CS: variants seen among roughly 807,000 people sequenced by gnomAD.
The protein encoded by CS is citrate synthase, mitochondrial.
Under a neutral mutation model 61.4 loss-of-function variants are expected in CS, and 13 were observed. The observed-to-expected ratio is 0.21, with a 90% CI of 0.14 to 0.34. CS has a LOEUF of 0.34. Among genes scored for constraint, CS ranks in the 10% least tolerant of loss-of-function variants. The probability of loss-of-function intolerance (pLI) is 1.00; values close to 1 mark genes in which losing one functional copy is unlikely to be tolerated. For missense variants in CS, 278 were observed against 573.4 expected (o/e 0.48, Z 5.26); for synonymous variants, 159 against 215.2 (o/e 0.74, Z 2.29).
At chr12:56,288,346 ATTTTTTT>A (rs1164867172) in intron 1 of CS, among the ~76,000 whole-genome samples, 108 of 123,150 alleles carry the variant, frequency 8.8e-4, no homozygotes, top group African/African-American at 3.0e-3. Context: ...GCTTTTTAGA[ATTTTTTT>A]TTTTTTTTTT....
At chr12:56,279,720 C>T (rs953702455) in intron 6 of CS, among the ~76,000 whole-genome samples, 7 of 150,890 alleles carry the variant, frequency 4.6e-5, no homozygotes, top group South Asian at 2.1e-4. Flanking sequence ...CAGCTGAGAT[C>T]GCACCACTGC....
chr12:56,272,930 TTTAAAGTC>T lies in CS; in HGVS notation c.*146_*153del, dbSNP rs1179486297. 1 of 624,752 alleles carries T rather than the reference TTTAAAGTC, an allele frequency of 1.6e-6. No homozygotes were observed. The highest frequency in any genetic ancestry group is 1.9e-5 in the African/African-American group (1 of 53,848). The allele number at this position is 624,752 out of a possible 1,614,324, so 38.7% of individuals were successfully genotyped here. On this transcript the variant is annotated 3_prime_UTR_variant, in exon 11 of 11. Transcript: ENST00000351328. ...GGGAAGAAGGGACCATTTTTCATCT[TTTAAAGTC>T]TTAATTTATATTTTAACCTCAAACA...
chr12:56,274,193 T>C, intron 9 of CS: 1 of 234,708 alleles, frequency 4.3e-6, no homozygotes. Context: ...TGGTGGCGCA[T>C]GCCTGTAATC....
At position 56,274,320 on chromosome 12, in the gene CS, TA is replaced by T. The variant is rs59911757; in HGVS notation, c.1020+456del. The T allele has an allele frequency of 3.7e-3, 454 of 123,992 alleles. 2 individuals are homozygous for T. The highest frequency in any genetic ancestry group is 8.6e-3 in the African/African-American group (282 of 32,784). The allele number at this position is 123,992 out of a possible 1,614,324, so 7.7% of individuals were successfully genotyped here. On this transcript the variant is annotated intron_variant, in intron 9 of 10. Transcript: ENST00000351328. ...TGGGCAACAAGAGCAAGACTGTCTT[TA>T]AAAAAAAAAAAAAAAAAAAGATAGG...
intron 1 of CS, among the ~76,000 whole-genome samples, chr12:56,297,585 C>T (rs1200226738): frequency 1.3e-5 from 2 of 152,126 alleles, no homozygotes. Context: ...CACCTGCTAA[C>T]CCCAGCTACT....
intron 1 of CS, among the ~76,000 whole-genome samples, chr12:56,293,406 C>CA (rs1873195067): frequency 6.6e-6 from 1 of 152,086 alleles, no homozygotes; most frequent in African/African-American, 2.4e-5. Context: ...TCTGTCTCTA[C>CA]AAAAAATAAT....
intron 6 of CS, among the ~76,000 whole-genome samples, chr12:56,281,667 T>C (rs1183754101): frequency 6.6e-6 from 1 of 152,156 alleles, no homozygotes; most frequent in Non-Finnish European, 1.5e-5. Flanking sequence ...TCACATCCTT[T>C]TCTTTTCTTG....
rs113506359 is a variant in CS, at chr12:56,295,094, CTTTTTT to C, written c.42+5060_42+5065del. On this transcript the variant is annotated intron_variant, in intron 1 of 10. Transcript: ENST00000351328. Reference sequence around the variant, plus strand: ...ACTTATTGTACTTTAATTTAATGAACTTTTTTTTTTTTTTTAAGAGACAAGGTCTTG... The same window carrying C: ...ACTTATTGTACTTTAATTTAATGAACTTTTTTTTTAAGAGACAAGGTCTTG... Among the ~76,000 whole-genome samples, 6 of 141,682 alleles carry C rather than the reference CTTTTTT, an allele frequency of 4.2e-5. No homozygotes were observed. The Admixed American group carries it at 4.3e-4, about 10-fold the overall frequency. The allele number at this position is 141,682 out of a possible 152,430, so 92.9% of individuals were successfully genotyped here.
chr12:56,273,651 A>G lies in CS; in HGVS notation c.1166T>C (p.Leu389Ser), dbSNP rs1364147347. 6.2e-7 allele frequency: 1 copy of G among 1,614,138 alleles called. No individual in the cohort carries two copies. Among genetic ancestry groups the G allele is most frequent in the Admixed American group, 1.7e-5 (1 of 60,008 alleles). Reference sequence around the variant, plus strand: ...AGGATTCTTGGCTTTACCCTGCTCTAAGAGGACATTGGGCACAATCTTGTA... The same window carrying G: ...AGGATTCTTGGCTTTACCCTGCTCTGAGAGGACATTGGGCACAATCTTGTA... The part of the protein sequence containing the change: ...QLYKIVPNVL[L>S]EQGKAKNPWP... Residue 389 changes from leucine (L) to serine (S), a missense_variant, in exon 10 of 11, where the codon TTA becomes TCA. Coordinates refer to ENST00000351328, the MANE Select transcript of CS (RefSeq NM_004077.3).
chr12:56,282,697 C>T (rs181980994), intron 5 of CS, 89 bp from the exon 6 acceptor site: 69 of 1,525,060 alleles, frequency 4.5e-5, no homozygotes, highest in Non-Finnish European at 5.5e-5. Flanking sequence ...GTAAAGAAAA[C>T]CCAAGAGAGG....
At chr12:56,273,537 C>A in intron 10 of CS, 50 bp downstream of exon 10, 1 of 1,567,696 alleles carries the variant, frequency 6.4e-7, no homozygotes, top group Non-Finnish European at 8.8e-7. Flanking sequence ...TGGCAGATAA[C>A]AATAGGGTTT....
intron 1 of CS, among the ~76,000 whole-genome samples, chr12:56,296,138 C>T (rs991586815): frequency 6.6e-6 from 1 of 151,848 alleles, no homozygotes; most frequent in African/African-American, 2.4e-5. Context: ...TGTGAGTTTA[C>T]AGACCTTTTA....
rs937405556 is a variant in CS, at chr12:56,272,196, C to T, written c.*888G>A. 9 of 240,852 alleles carry T rather than the reference C, an allele frequency of 3.7e-5. No homozygotes were observed. Among genetic ancestry groups the T allele is most frequent in the Admixed American group, 2.1e-4 (4 of 18,816 alleles). The allele number at this position is 240,852 out of a possible 1,614,324, so 14.9% of individuals were successfully genotyped here. ...GCTGGTCATTCCGGAGTTCTATGCC[C>T]CACAGCATATTAAAAGATGGGGGTT... is the stretch of plus-strand genomic sequence containing the variant. On this transcript the variant is annotated 3_prime_UTR_variant, in exon 11 of 11. Transcript: ENST00000351328.
intron 6 of CS, among the ~76,000 whole-genome samples, chr12:56,278,931 G>A (rs761922519): frequency 2.0e-5 from 3 of 151,882 alleles, no homozygotes; most frequent in Non-Finnish European, 2.9e-5. Context: ...GCACCAGGAC[G>A]CTCAGCTAAT....
intron 2 of CS, chr12:56,286,260 G>A (rs1275872023): frequency 8.9e-6 from 5 of 559,130 alleles, no homozygotes; most frequent in Non-Finnish European, 1.6e-5. Context: ...GGAGATGGAT[G>A]GTTGCACAAT....
Position 56,286,584 on chromosome 12 carries a change from C to G in CS, c.93+11G>C. The stretch of plus-strand genomic sequence containing the variant: ...TGATTCTTATTCTTAGTCTTCTTTT[C>G]CAAACCTTACCGTGGAGGAAGCACT... On this transcript the variant is annotated intron_variant, in intron 2 of 10. Transcript: ENST00000351328. 1 of 1,613,658 alleles carries G rather than the reference C, an allele frequency of 6.2e-7. No homozygotes were observed. Among genetic ancestry groups the G allele is most frequent in the South Asian group, 1.1e-5 (1 of 91,032 alleles).
intron 1 of CS, among the ~76,000 whole-genome samples, chr12:56,297,047 C>T (rs927082773): frequency 6.6e-6 from 1 of 152,090 alleles, no homozygotes; most frequent in Admixed American, 6.6e-5. Flanking sequence ...CCATTGGTTC[C>T]TTTGCATTTA....
intron 7 of CS, 154 bp downstream of exon 7, chr12:56,275,842 A>G: frequency 1.5e-6 from 1 of 660,220 alleles, no homozygotes; most frequent in Non-Finnish European, 2.7e-6. Context: ...TGCTTACTAG[A>G]CCCCTTTCTT....
In CS at chr12:56,294,343, G is replaced by A. The variant is rs972520756; in HGVS notation, c.42+5817C>T. On this transcript the variant is annotated intron_variant, in intron 1 of 10. Coordinates refer to ENST00000351328, the MANE Select transcript of CS (RefSeq NM_004077.3). The stretch of plus-strand genomic sequence containing the variant: ...GCAAAAATTAGTCGGGCACGGTGGC[G>A]CACACCTGTAATCTCAGCTAACCGG... 7.9e-5 allele frequency among the ~76,000 whole-genome samples: 12 copies of A among 151,340 alleles called. No individual in the cohort carries two copies. In the East Asian group the frequency reaches 1.4e-3, roughly 18 times the overall value.
Sources: allele counts gnomAD v4.1 joint callset (sites outside exome capture counted in the v4.1 genomes callset), GRCh38; gene constraint gnomAD v4.1.1; transcripts MANE v1.5; gene names NCBI Gene and HGNC (gene_info 2026-07-23, HGNC 2026-07-21).